Variants in VSIG1 observed in about 807,000 individuals in gnomAD.
VSIG1 encodes the protein V-set and immunoglobulin domain-containing protein 1.
Under a neutral mutation model 20.1 loss-of-function variants are expected in VSIG1, and 11 were observed. That is an observed-to-expected ratio of 0.55 (90% CI 0.34 to 0.91). The LOEUF (loss-of-function observed/expected upper bound fraction) is 0.91. Ranked by LOEUF, VSIG1 falls within the 40% of genes least tolerant of loss-of-function variation. The probability of loss-of-function intolerance (pLI) is 0.02; values close to 1 mark genes in which losing one functional copy is unlikely to be tolerated. For missense variants in VSIG1, 283 were observed against 298.8 expected, an observed-to-expected ratio of 0.95 and a Z score of 0.39; for synonymous variants, 126 against 116.7, an observed-to-expected ratio of 1.08 and a Z score of -0.52.
the VSIG1 span, among the ~76,000 whole-genome samples, chrX:108,033,488 G>A: frequency 7.1e-5 from 8 of 111,941 alleles, no homozygotes; most frequent in East Asian, 2.0e-3. Context: ...AGCAGTGCAG[G>A]TAGTGGGGTT....
intron 1 of VSIG1, among the ~76,000 whole-genome samples, chrX:108,047,879 T>TAC (rs2030646831): frequency 5.5e-5 from 2 of 36,209 alleles, no homozygotes; most frequent in African/African-American, 2.9e-4. Context: ...TACACATATA[T>TAC]ATATATACAC....
upstream of VSIG1, among the ~76,000 whole-genome samples, chrX:108,044,296 A>C (rs1481017108): frequency 9.0e-6 from 1 of 111,711 alleles, no homozygotes; most frequent in African/African-American, 3.3e-5. Flanking sequence ...GTTCCCATGA[A>C]AGTTCCTTAC....
At chrX:108,052,816 A>G (rs1298745904) in intron 1 of VSIG1, among the ~76,000 whole-genome samples, 2 of 111,788 alleles carry the variant, frequency 1.8e-5, no homozygotes, top group Middle Eastern at 4.2e-3. Context: ...TAAAAAATAC[A>G]TACTTTGCAA....
At chrX:108,066,456 A>T (rs1033341901) in intron 2 of VSIG1, among the ~76,000 whole-genome samples, 14 of 112,086 alleles carry the variant, frequency 1.2e-4, no homozygotes, top group African/African-American at 4.5e-4. Flanking sequence ...GTCTAAAAGG[A>T]GCATGAACAT....
chrX:108,067,251 T>C, intron 3 of VSIG1, 117 bp downstream of exon 3: 1 of 768,660 alleles, frequency 1.3e-6, no homozygotes, highest in Non-Finnish European at 1.9e-6. Context: ...CTCCCTAATA[T>C]TTTCATTATC....
chrX:108,076,266 G>C (rs1343394849), intron 6 of VSIG1, 48 bp downstream of exon 6: 12 of 1,173,581 alleles, frequency 1.0e-5, no homozygotes, highest in East Asian at 9.0e-5. Context: ...CATTTCTCAG[G>C]CATGTCTTTT....
chrX:108,033,073 T>C, the VSIG1 span, among the ~76,000 whole-genome samples: 1 of 111,404 alleles, frequency 9.0e-6, no homozygotes, highest in East Asian at 2.8e-4. Flanking sequence ...CTGGTGGAAA[T>C]TGGCCAAGTT....
chrX:108,040,166 TATA>T (rs1382755794), upstream of VSIG1, among the ~76,000 whole-genome samples: 1 of 111,484 alleles, frequency 9.0e-6, no homozygotes, highest in East Asian at 2.8e-4. Flanking sequence ...AGAGTACTTC[TATA>T]ATATCAGAAG....
the VSIG1 span, among the ~76,000 whole-genome samples, chrX:108,028,239 G>T: frequency 9.0e-6 from 1 of 111,331 alleles, no homozygotes; most frequent in East Asian, 2.8e-4. Flanking sequence ...CTATTCACCG[G>T]GAGGAATTTG....
the VSIG1 span, among the ~76,000 whole-genome samples, chrX:108,032,437 G>A: frequency 8.9e-6 from 1 of 111,779 alleles, no homozygotes; most frequent in Non-Finnish European, 1.9e-5. Flanking sequence ...ACCAGATAAA[G>A]TCCCTGTCCT....
the VSIG1 span, among the ~76,000 whole-genome samples, chrX:108,027,699 A>T: frequency 8.9e-6 from 1 of 111,913 alleles, no homozygotes; most frequent in Non-Finnish European, 1.9e-5. Context: ...CTCCTAATAG[A>T]TGATGATATG....
Position 108,077,503 on chromosome X carries a change from C to G in VSIG1, c.*122C>G. Reference sequence around the variant, plus strand: ...TGACCAACCTTCTTCTAACAAGGTGCTCATTCCTACTATGAATCCAGAATA... The same window carrying G: ...TGACCAACCTTCTTCTAACAAGGTGGTCATTCCTACTATGAATCCAGAATA... On this transcript the variant is annotated 3_prime_UTR_variant, in exon 7 of 7. Coordinates refer to ENST00000217957, the MANE Select transcript of VSIG1 (RefSeq NM_182607.5). 2.5e-6 allele frequency: 2 copies of G among 803,325 alleles called. No homozygotes were observed. The highest frequency in any genetic ancestry group is 1.8e-6 in the Non-Finnish European group (1 of 561,864). The allele number at this position is 803,325 out of a possible 1,213,427, so 66.2% of individuals were successfully genotyped here.
At chrX:108,069,321 T>G (rs2031193445) in intron 3 of VSIG1, among the ~76,000 whole-genome samples, 1 of 111,346 alleles carries the variant, frequency 9.0e-6, no homozygotes, top group Non-Finnish European at 1.9e-5. Context: ...GGCAGAAGGG[T>G]CTGTGGATTT....
At chrX:108,048,301 C>A (rs1246739807) in intron 1 of VSIG1, among the ~76,000 whole-genome samples, 1 of 110,575 alleles carries the variant, frequency 9.0e-6, no homozygotes, top group Non-Finnish European at 1.9e-5. Context: ...CTGCGCCCAG[C>A]CTAAAAATAT....
At chrX:108,029,997 T>C in the VSIG1 span, among the ~76,000 whole-genome samples, 1 of 112,333 alleles carries the variant, frequency 8.9e-6, no homozygotes, top group African/African-American at 3.2e-5. Context: ...GAATTGTTTC[T>C]TTCCTCAGCT....
At chrX:108,041,772 A>G (rs946734003), upstream of VSIG1, among the ~76,000 whole-genome samples, 12 of 107,289 alleles carry the variant, frequency 1.1e-4, no homozygotes, top group Non-Finnish European at 2.3e-4. Flanking sequence ...TAAGTTAAAA[A>G]TGAGGGATAA....
chrX:108,031,714 T>C, the VSIG1 span, among the ~76,000 whole-genome samples: 2 of 112,618 alleles, frequency 1.8e-5, no homozygotes, highest in African/African-American at 3.2e-5. Context: ...ACTAAATGTT[T>C]ATAGTGTTTT....
intron 2 of VSIG1, among the ~76,000 whole-genome samples, chrX:108,063,231 T>C (rs1264538769): frequency 1.8e-5 from 2 of 111,318 alleles, no homozygotes; most frequent in Non-Finnish European, 3.8e-5. Flanking sequence ...GAGCAGGGAA[T>C]GGAATGGTCC....
the VSIG1 span, among the ~76,000 whole-genome samples, chrX:108,038,091 T>C: frequency 1.8e-5 from 2 of 111,779 alleles, no homozygotes; most frequent in African/African-American, 6.5e-5. Context: ...ATCTTTCTTT[T>C]TTTTATTTTA....
Sources: allele counts gnomAD v4.1 joint callset (sites outside exome capture counted in the v4.1 genomes callset), GRCh38; gene constraint gnomAD v4.1.1; transcripts MANE v1.5; gene names NCBI Gene and HGNC (gene_info 2026-07-23, HGNC 2026-07-21).